Variants in GNB1L observed in about 807,000 individuals in gnomAD.
GNB1L encodes the protein G protein subunit beta 1 like.
GNB1L carries 20 observed loss-of-function variants against 29.1 expected under a neutral mutation model. The ratio of observed to expected loss-of-function variants is 0.69; its 90% CI spans 0.48 to 1.00. The LOEUF is 1.00. Among genes scored for constraint, GNB1L ranks in the 50% least tolerant of loss-of-function variants. The probability of loss-of-function intolerance (pLI) is 0.00; values close to 1 mark genes in which losing one functional copy is unlikely to be tolerated. For synonymous variants in GNB1L, 193 were observed against 206.5 expected, an observed-to-expected ratio of 0.93 and a Z score of 0.56; for missense variants, 421 against 464.9, an observed-to-expected ratio of 0.91 and a Z score of 0.87.
rs1013544501 is a variant in GNB1L, at chr22:19,804,199, G to C, written c.517-1983C>G. On this transcript the variant is annotated intron_variant, in intron 6 of 7. Transcript: ENST00000329517. ...GGAGCACTTCGGTGCCCACAGCCTT[G>C]ATGCTGCCTGACCTCTGCAGGGGAG... Among the ~76,000 whole-genome samples, 11 of 152,382 alleles carry C rather than the reference G, an allele frequency of 7.2e-5. No homozygotes were observed. The South Asian group carries it at 2.1e-3, about 29-fold the overall frequency.
chr22:19,791,928 A>G (rs1937257305), intron 7 of GNB1L, among the ~76,000 whole-genome samples: 1 of 152,230 alleles, frequency 6.6e-6, no homozygotes, highest in Non-Finnish European at 1.5e-5. Flanking sequence ...GGTCCACCCC[A>G]CTAAACAAGC....
rs1181827433 is a variant in GNB1L at position 19,796,217 on chromosome 22, T to A, written c.732+5784A>T. On this transcript the variant is annotated intron_variant, in intron 7 of 7. Coordinates refer to ENST00000329517, the MANE Select transcript of GNB1L (RefSeq NM_053004.3). ...CTCATTCACCAGGAAATCACCATTT[T>A]AAACTGGCATGTTCCCAGGCCAGCT... Among the ~76,000 whole-genome samples, 29 of 152,202 alleles carry A rather than the reference T, an allele frequency of 1.9e-4. 1 individual carries two copies. Among genetic ancestry groups the A allele is most frequent in the Admixed American group, 1.9e-3 (29 of 15,288 alleles).
Position 19,786,575 on chromosome 22 carries a change from CAT to C in GNB1L, c.*2132_*2133del. On this transcript the variant is annotated 3_prime_UTR_variant, in exon 8 of 8. Transcript: ENST00000329517. The stretch of plus-strand genomic sequence containing the variant: ...GTGATGATGCCAAAGATGACAGGGA[CAT>C]AAACAGGGGAAGGGGTAGAGGCCCA... 6.6e-6 allele frequency: 1 copy of C among 152,416 alleles called. No homozygotes were observed. The highest frequency in any genetic ancestry group is 1.5e-5 in the Non-Finnish European group (1 of 68,094). The allele number at this position is 152,416 out of a possible 1,614,324, so 9.4% of individuals were successfully genotyped here. A position where few individuals can be genotyped will look rare whatever the true frequency, so the allele number is the denominator to read the frequency against.
At chr22:19,819,076 T>G (rs530811293) in intron 4 of GNB1L, among the ~76,000 whole-genome samples, 2 of 152,228 alleles carry the variant, frequency 1.3e-5, no homozygotes, top group African/African-American at 4.8e-5. Flanking sequence ...AACCCAGCCC[T>G]GGGCTAACCC....
At chr22:19,851,964 G>T in intron 2 of GNB1L, 1 of 1,614,144 alleles carries the variant, frequency 6.2e-7, no homozygotes, top group Non-Finnish European at 8.5e-7. Context: ...TCTGAGCCTG[G>T]TACCCAGCAG....
At chr22:19,851,776 C>A (rs1365294401) in intron 2 of GNB1L, 1 of 1,613,446 alleles carries the variant, frequency 6.2e-7, no homozygotes, top group Non-Finnish European at 8.5e-7. Context: ...CAGGCAGGGG[C>A]AGGTCCCCAT....
chr22:19,806,553 G>T, intron 6 of GNB1L, 106 bp downstream of exon 6: 1 of 680,504 alleles, frequency 1.5e-6, no homozygotes, highest in Admixed American at 2.5e-5. Context: ...GCAGGGGGGT[G>T]GGGTGTTGCC....
At chr22:19,822,756 G>A (rs576739017) in intron 2 of GNB1L, among the ~76,000 whole-genome samples, 154 of 152,362 alleles carry the variant, frequency 1.0e-3, no homozygotes, top group Non-Finnish European at 1.3e-3. Context: ...GGACTCTTCA[G>A]AAGGGGCTGG....
chr22:19,809,504 TA>T (rs1230490419), intron 5 of GNB1L, among the ~76,000 whole-genome samples: 1 of 152,152 alleles, frequency 6.6e-6, no homozygotes, highest in Admixed American at 6.5e-5. Context: ...GTCCTTGCAA[TA>T]AGGCAAGGGT....
chr22:19,791,205 C>T (rs1937249857), intron 7 of GNB1L, among the ~76,000 whole-genome samples: 1 of 152,208 alleles, frequency 6.6e-6, no homozygotes, highest in Non-Finnish European at 1.5e-5. Context: ...TGTACTCCAG[C>T]CTGGGTGACA....
At chr22:19,850,353 A>G in intron 2 of GNB1L, 1 of 986,110 alleles carries the variant, frequency 1.0e-6, no homozygotes, top group South Asian at 4.7e-5. Flanking sequence ...CAAGTCATTT[A>G]CACACTAGGG....
chr22:19,804,463 C>T (rs1169801658), intron 6 of GNB1L, among the ~76,000 whole-genome samples: 2 of 152,212 alleles, frequency 1.3e-5, no homozygotes, highest in Non-Finnish European at 2.9e-5. Context: ...TGACGTAGGT[C>T]CTGACCTTTT....
At chr22:19,793,673 G>A (rs946070771) in intron 7 of GNB1L, among the ~76,000 whole-genome samples, 4 of 152,130 alleles carry the variant, frequency 2.6e-5, no homozygotes, top group Non-Finnish European at 4.4e-5. Context: ...AAGCAGCCAC[G>A]GAGCAAGACA....
chr22:19,789,665 G>A (rs1427255637), intron 7 of GNB1L, among the ~76,000 whole-genome samples: 3 of 152,144 alleles, frequency 2.0e-5, no homozygotes, highest in African/African-American at 7.2e-5. Flanking sequence ...CGGGGCCGTC[G>A]GGGTGCTGGC....
intron 5 of GNB1L, among the ~76,000 whole-genome samples, chr22:19,807,529 T>G (rs1255439781): frequency 6.6e-6 from 1 of 152,194 alleles, no homozygotes; most frequent in African/African-American, 2.4e-5. Context: ...AGCCCACTGA[T>G]TCTATCTCCT....
In GNB1L at chr22:19,854,828, C is replaced by G. The variant is rs1005407672; in HGVS notation, c.-126G>C. 6.6e-6 allele frequency: 1 copy of G among 152,288 alleles called. No homozygotes were observed. Among genetic ancestry groups the G allele is most frequent in the African/African-American group, 2.4e-5 (1 of 41,458 alleles). 9.4% of individuals were successfully genotyped at this position (152,288 alleles called of 1,614,324 possible). On this transcript the variant is annotated 5_prime_UTR_variant, in exon 1 of 8. Coordinates refer to ENST00000329517, the MANE Select transcript of GNB1L (RefSeq NM_053004.3). Reference sequence around the variant, plus strand: ...CCCGCCTCCACACTGACCCTCTTGCCGGAGTCGGGAACGCCTGCTCCTAGG... The same window carrying G: ...CCCGCCTCCACACTGACCCTCTTGCGGGAGTCGGGAACGCCTGCTCCTAGG...
intron 2 of GNB1L, chr22:19,851,336 G>T: frequency 6.2e-7 from 1 of 1,614,154 alleles, no homozygotes; most frequent in Non-Finnish European, 8.5e-7. Context: ...CTGGGCAGGA[G>T]GATTAGCTGA....
chr22:19,852,467 A>G lies in GNB1L; in HGVS notation c.-21+1976T>C, dbSNP rs1938131706. On this transcript the variant is annotated intron_variant, in intron 2 of 7. Transcript: ENST00000329517. The stretch of plus-strand genomic sequence containing the variant: ...GAAGAGCTGAGAGACTGTCAGTCGC[A>G]GGCCATCATCCGAGGCAATCTGTCC... 1.2e-5 allele frequency: 7 copies of G among 597,114 alleles called. No individual in the cohort carries two copies. The South Asian group carries it at 1.4e-4, about 12-fold the overall frequency. The allele number at this position is 597,114 out of a possible 1,614,324, so 37.0% of individuals were successfully genotyped here. A position where few individuals can be genotyped will look rare whatever the true frequency, so the allele number is the denominator to read the frequency against.
rs111633916 is a variant in GNB1L, at chr22:19,799,278, G to A, written c.732+2723C>T. ...AAAATGTGGGAGGGAGAGGGCCTGC[G>A]TACCACCTGTATCTGATGACAACAC... On this transcript the variant is annotated intron_variant, in intron 7 of 7. Coordinates refer to ENST00000329517, the MANE Select transcript of GNB1L (RefSeq NM_053004.3). Among the ~76,000 whole-genome samples, 555 of 152,344 alleles carry A rather than the reference G, an allele frequency of 3.6e-3. 2 individuals carry two copies. The highest frequency in any genetic ancestry group is 0.012 in the African/African-American group (481 of 41,584).
Sources: allele counts gnomAD v4.1 joint callset (sites outside exome capture counted in the v4.1 genomes callset), GRCh38; gene constraint gnomAD v4.1.1; transcripts MANE v1.5; gene names NCBI Gene and HGNC (gene_info 2026-07-23, HGNC 2026-07-21).